ADAM22: variants seen among roughly 807,000 people sequenced by gnomAD.
ADAM22 encodes ADAM metallopeptidase domain 22.
ADAM22 carries 65 observed loss-of-function variants against 144.6 expected under a neutral mutation model. The ratio of observed to expected loss-of-function variants is 0.45; its 90% CI spans 0.37 to 0.55. The LOEUF (loss-of-function observed/expected upper bound fraction) is 0.55. Ranked by LOEUF, ADAM22 falls within the 20% of genes least tolerant of loss-of-function variation. The pLI, the probability that ADAM22 is intolerant of heterozygous loss-of-function variation, is 0.00. For synonymous variants in ADAM22, 391 were observed against 412.6 expected (o/e 0.95, Z 0.63); for missense variants, 974 against 1,184.9 (o/e 0.82, Z 2.61).
rs376568503 is a variant in ADAM22 at position 87,935,112 on chromosome 7, C to A, written c.172C>A (p.Arg58Ser). 14 of 1,613,758 alleles carry A rather than the reference C, an allele frequency of 8.7e-6. No individual in the cohort carries two copies. Among genetic ancestry groups the A allele is most frequent in the Non-Finnish European group, 1.1e-5 (13 of 1,179,978 alleles). ...CATCGTGCCACTGCGCCTCATCTACCGCTCGGGCGGCGAAGACGAAAGTCG... is the reference window on the plus strand; with the variant it reads ...CATCGTGCCACTGCGCCTCATCTACAGCTCGGGCGGCGAAGACGAAAGTCG... ...QSIVPLRLIY[R>S]SGGEDESRHD... Residue 58 changes from arginine (R) to serine (S), a missense_variant, in exon 2 of 32, where the codon CGC becomes AGC. Physicochemically the swap from Arg to Ser is moderately radical, Grantham distance 110 (BLOSUM62 -1). Transcript: ENST00000413139.
intron 3 of ADAM22, among the ~76,000 whole-genome samples, chr7:88,019,742 C>G (rs1313079914): frequency 6.8e-6 from 1 of 147,464 alleles, no homozygotes; most frequent in Admixed American, 6.8e-5. Context: ...CCCAGTTACT[C>G]AGGAGGCTGA....
chr7:88,103,018 A>C (rs931143051), intron 4 of ADAM22, among the ~76,000 whole-genome samples: 1 of 152,228 alleles, frequency 6.6e-6, no homozygotes, highest in East Asian at 1.9e-4. Flanking sequence ...CTATTGGAGA[A>C]GTAAGACAGA....
At chr7:87,957,916 A>G (rs1435102836) in intron 2 of ADAM22, among the ~76,000 whole-genome samples, 1 of 152,110 alleles carries the variant, frequency 6.6e-6, no homozygotes, top group Non-Finnish European at 1.5e-5. Flanking sequence ...ATATATATCC[A>G]TAACAATATA....
intron 4 of ADAM22, among the ~76,000 whole-genome samples, chr7:88,099,839 AGG>A (rs1440595647): frequency 6.6e-6 from 1 of 152,178 alleles, no homozygotes; most frequent in African/African-American, 2.4e-5. Context: ...GGATCAACAT[AGG>A]GTTGCCATTT....
At chr7:88,012,899 T>C (rs1334485238) in intron 3 of ADAM22, among the ~76,000 whole-genome samples, 1 of 152,146 alleles carries the variant, frequency 6.6e-6, no homozygotes, top group Non-Finnish European at 1.5e-5. Context: ...CTGTGGAGAG[T>C]AGCCGTTTGT....
At chr7:87,938,825 A>G (rs1372617022) in intron 2 of ADAM22, among the ~76,000 whole-genome samples, 5 of 151,584 alleles carry the variant, frequency 3.3e-5, no homozygotes, top group Admixed American at 6.6e-5. Flanking sequence ...AATTTTTTGT[A>G]TTTTTAGTAG....
intron 3 of ADAM22, among the ~76,000 whole-genome samples, chr7:88,000,592 A>G (rs1319802044): frequency 6.6e-6 from 1 of 152,152 alleles, no homozygotes; most frequent in African/African-American, 2.4e-5. Context: ...CAAAGACAAT[A>G]TTCTAGTTTT....
At chr7:88,131,560 A>T in intron 11 of ADAM22, 125 bp downstream of exon 11, 1 of 1,018,368 alleles carries the variant, frequency 9.8e-7, no homozygotes, top group Non-Finnish European at 1.4e-6. Flanking sequence ...TGGCAGATAG[A>T]TTTGGAAAAA....
At chr7:88,009,082 T>C (rs1218468227) in intron 3 of ADAM22, among the ~76,000 whole-genome samples, 1 of 152,152 alleles carries the variant, frequency 6.6e-6, no homozygotes, top group Non-Finnish European at 1.5e-5. Flanking sequence ...TTTGTGGATT[T>C]TAGTCAAATT....
intron 4 of ADAM22, among the ~76,000 whole-genome samples, chr7:88,106,947 A>T (rs146905888): frequency 1.3e-5 from 2 of 152,300 alleles, no homozygotes; most frequent in East Asian, 3.9e-4. Context: ...GTAGAATTTT[A>T]TTAATGCAAT....
At chr7:88,032,753 A>T (rs1216329501) in intron 3 of ADAM22, among the ~76,000 whole-genome samples, 1 of 152,078 alleles carries the variant, frequency 6.6e-6, no homozygotes, top group African/African-American at 2.4e-5. Context: ...AGGTGATTGG[A>T]TTGTAATGGT....
intron 22 of ADAM22, among the ~76,000 whole-genome samples, chr7:88,156,982 G>C (rs1458049358): frequency 6.6e-6 from 1 of 151,870 alleles, no homozygotes; most frequent in African/African-American, 2.4e-5. Flanking sequence ...ATATTTATGA[G>C]AGATAAGAGA....
chr7:88,175,480 G>A (rs1845409126), intron 26 of ADAM22, among the ~76,000 whole-genome samples: 1 of 152,102 alleles, frequency 6.6e-6, no homozygotes. Flanking sequence ...GTTGTACAGA[G>A]AAGAAAAAGA....
chr7:87,964,296 A>G (rs1347961436), intron 2 of ADAM22, among the ~76,000 whole-genome samples: 2 of 152,230 alleles, frequency 1.3e-5, no homozygotes, highest in African/African-American at 4.8e-5. Context: ...ATAATGGATA[A>G]TGTGACTTGA....
In ADAM22 at chr7:87,988,242, A is replaced by G. The variant is rs2299195; in HGVS notation, c.323+9830A>G. ...TCTACAAGCAGCAAGGCATAGCATCATGGTTTGATGTTATGAAGGATGTCA... is the reference window on the plus strand; with the variant it reads ...TCTACAAGCAGCAAGGCATAGCATCGTGGTTTGATGTTATGAAGGATGTCA... On this transcript the variant is annotated intron_variant, in intron 3 of 31. Transcript: ENST00000413139. Among the ~76,000 whole-genome samples the G allele has an allele frequency of 6.7e-3, 1,021 of 152,300 alleles. 46 individuals carry two copies. Among genetic ancestry groups the G allele is most frequent in the Admixed American group, 0.058 (883 of 15,304 alleles).
At chr7:87,979,879 T>C (rs1852881915) in intron 3 of ADAM22, among the ~76,000 whole-genome samples, 2 of 152,204 alleles carry the variant, frequency 1.3e-5, no homozygotes, top group Non-Finnish European at 2.9e-5. Context: ...GTCAGGTTCT[T>C]AGGTCTCTAT....
chr7:88,061,807 A>T (rs1044576807), intron 3 of ADAM22, among the ~76,000 whole-genome samples: 2 of 149,222 alleles, frequency 1.3e-5, no homozygotes, highest in Admixed American at 1.3e-4. Context: ...TAAACAAAAG[A>T]GTCAGCCTTC....
At chr7:87,934,660 A>AT (rs57360340) in intron 1 of ADAM22, 110 bp downstream of exon 1, 7,608 of 703,302 alleles carry the variant, frequency 0.011, 5 homozygotes, top group South Asian at 0.035. Context: ...GCGCGGGGAG[A>AT]TTTTTTTTTT....
At chr7:88,185,902 A>C (rs1008374664) in intron 29 of ADAM22, 1 of 152,232 alleles carries the variant, frequency 6.6e-6, no homozygotes, top group South Asian at 2.1e-4. Flanking sequence ...AAACATGAGC[A>C]CTTTATTCTG....
Sources: gnomAD v4.1 joint callset for allele counts (sites outside exome capture counted in the v4.1 genomes callset) on GRCh38, gnomAD v4.1.1 for gene constraint, MANE v1.5 for transcripts, NCBI Gene and HGNC (gene_info 2026-07-23, HGNC 2026-07-21) for gene names.